The following MAGI1 variants were observed in gnomAD, a reference collection of about 807,000 sequenced individuals.
MAGI1 encodes the protein membrane-associated guanylate kinase, WW and PDZ domain-containing protein 1.
Under a neutral mutation model 139.9 loss-of-function variants are expected in MAGI1, and 58 were observed. The observed-to-expected ratio is 0.41, with a 90% CI of 0.34 to 0.52. The LOEUF (loss-of-function observed/expected upper bound fraction) is 0.52, where lower values mean the gene tolerates loss of function less well. MAGI1 is among the 20% of genes least tolerant of loss of function. MAGI1 has a pLI of 0.12. For synonymous variants in MAGI1, 812 were observed against 737.9 expected (o/e 1.10, Z -1.63); for missense variants, 1,874 against 1,901.6 (o/e 0.99, Z 0.27).
intron 13 of MAGI1, among the ~76,000 whole-genome samples, chr3:65,394,623 CT>C (rs11340223): frequency 0.033 from 4,952 of 152,174 alleles, 433 homozygotes; most frequent in East Asian, 0.28. Flanking sequence ...AATTTAATAT[CT>C]TGTGGGCACT....
intron 2 of MAGI1, among the ~76,000 whole-genome samples, chr3:65,618,857 G>C (rs371709240): frequency 2.0e-5 from 3 of 152,198 alleles, no homozygotes; most frequent in East Asian, 3.9e-4. Flanking sequence ...ACTTGTGCCA[G>C]GCCACACAGC....
rs1940091691 is a variant in MAGI1, at chr3:65,353,778, G to A, written c.*2600C>T. The A allele has an allele frequency of 6.6e-6, 1 of 152,198 alleles. No individual in the cohort carries two copies. The highest frequency in any genetic ancestry group is 2.4e-5 in the African/African-American group (1 of 41,426). The allele number at this position is 152,198 out of a possible 1,614,324, so 9.4% of individuals were successfully genotyped here. ...GAGGGGGGCGGCGGGATTAAGGAAA[G>A]TAGGCTCACAAGAATCAGTTTCCAA... On this transcript the variant is annotated 3_prime_UTR_variant, in exon 23 of 23. Transcript: ENST00000402939.
intron 2 of MAGI1, among the ~76,000 whole-genome samples, chr3:65,504,953 C>T (rs764817077): frequency 6.6e-6 from 1 of 152,152 alleles, no homozygotes; most frequent in Admixed American, 6.5e-5. Context: ...TCATTTCAAA[C>T]AGTATTAAAA....
chr3:65,694,359 C>A (rs2088955403), intron 1 of MAGI1, among the ~76,000 whole-genome samples: 1 of 152,172 alleles, frequency 6.6e-6, no homozygotes, highest in African/African-American at 2.4e-5. Flanking sequence ...GGGCCAGCAT[C>A]TACCCCACCT....
intron 1 of MAGI1, among the ~76,000 whole-genome samples, chr3:66,020,077 G>A (rs1157408722): frequency 6.6e-6 from 1 of 152,080 alleles, no homozygotes; most frequent in Admixed American, 6.6e-5. Flanking sequence ...CGTTCCTCTG[G>A]GTCTCTCTCT....
intron 2 of MAGI1, among the ~76,000 whole-genome samples, chr3:65,507,165 A>G (rs775085566): frequency 2.8e-4 from 42 of 152,226 alleles, no homozygotes; most frequent in Non-Finnish European, 6.0e-4. Context: ...TGGTCTTCAT[A>G]GTATTGAAGA....
chr3:65,801,018 GTTC>G (rs1221057856), intron 1 of MAGI1, among the ~76,000 whole-genome samples: 1 of 152,184 alleles, frequency 6.6e-6, no homozygotes, highest in South Asian at 2.1e-4. Context: ...TTCCTACTTA[GTTC>G]TTCTCCTCTG....
chr3:65,760,814 G>GTTC (rs1021856282), intron 1 of MAGI1, among the ~76,000 whole-genome samples: 20 of 152,114 alleles, frequency 1.3e-4, no homozygotes, highest in African/African-American at 4.8e-4. Context: ...GTTTAAGGAA[G>GTTC]TTCTCATCAA....
chr3:65,778,582 G>A (rs576916168), intron 1 of MAGI1, among the ~76,000 whole-genome samples: 1 of 152,088 alleles, frequency 6.6e-6, no homozygotes, highest in Non-Finnish European at 1.5e-5. Context: ...CCCAGAAGAT[G>A]GGGACCATGA....
At chr3:65,545,994 G>GCA (rs749949035) in intron 2 of MAGI1, among the ~76,000 whole-genome samples, 93 of 136,742 alleles carry the variant, frequency 6.8e-4, no homozygotes, top group African/African-American at 1.5e-3. Context: ...ACACACACAC[G>GCA]CACACACACA....
chr3:65,727,142 T>A (rs942106777), intron 1 of MAGI1, among the ~76,000 whole-genome samples: 1 of 152,088 alleles, frequency 6.6e-6, no homozygotes, highest in Non-Finnish European at 1.5e-5. Flanking sequence ...TAATAGAAAT[T>A]TCTTCACTGT....
intron 2 of MAGI1, among the ~76,000 whole-genome samples, chr3:65,521,133 A>T (rs770350771): frequency 5.5e-4 from 84 of 152,314 alleles, no homozygotes; most frequent in Non-Finnish European, 9.8e-4. Flanking sequence ...TTCAAACAGA[A>T]GGATCAATTT....
intron 5 of MAGI1, among the ~76,000 whole-genome samples, chr3:65,459,291 G>A (rs1949614831): frequency 6.6e-6 from 1 of 152,198 alleles, no homozygotes; most frequent in South Asian, 2.1e-4. Flanking sequence ...TGGGTCTTTC[G>A]TGGTTCCATA....
At chr3:65,379,623 C>T (rs948678921) in intron 16 of MAGI1, 69 bp from the exon 17 acceptor site, 1 of 1,543,060 alleles carries the variant, frequency 6.5e-7, no homozygotes, top group Admixed American at 1.9e-5. Flanking sequence ...CCCCTCCCTC[C>T]TTCCAGCAAC....
chr3:65,916,426 G>A (rs1468510188), intron 1 of MAGI1, among the ~76,000 whole-genome samples: 3 of 152,106 alleles, frequency 2.0e-5, no homozygotes, highest in South Asian at 4.1e-4. Context: ...CCATGTGGCT[G>A]GGGAGGCCTC....
At chr3:65,486,543 C>T (rs1951649528) in intron 3 of MAGI1, among the ~76,000 whole-genome samples, 1 of 152,158 alleles carries the variant, frequency 6.6e-6, no homozygotes, top group Non-Finnish European at 1.5e-5. Flanking sequence ...AGCACCATAT[C>T]AAATAAATAA....
intron 1 of MAGI1, among the ~76,000 whole-genome samples, chr3:65,798,689 A>T (rs1021627069): frequency 2.0e-5 from 3 of 152,234 alleles, no homozygotes; most frequent in African/African-American, 7.2e-5. Flanking sequence ...CTACAGCTAC[A>T]GTAGTCCCCC....
intron 20 of MAGI1, among the ~76,000 whole-genome samples, chr3:65,364,038 C>T (rs1941150762): frequency 1.3e-5 from 2 of 151,880 alleles, no homozygotes; most frequent in Admixed American, 1.3e-4. Flanking sequence ...AGCCCCCAGG[C>T]AACCAGTAAA....
chr3:65,379,219 G>T, intron 17 of MAGI1, 42 bp downstream of exon 17: 1 of 1,607,186 alleles, frequency 6.2e-7, no homozygotes, highest in African/African-American at 1.3e-5. Context: ...AAACTCCCAG[G>T]CATGGTGGGA....
Sources: allele counts gnomAD v4.1 joint callset (sites outside exome capture counted in the v4.1 genomes callset), GRCh38; gene constraint gnomAD v4.1.1; transcripts MANE v1.5; gene names NCBI Gene and HGNC (gene_info 2026-07-23, HGNC 2026-07-21).